The following UNC13B variants were observed in gnomAD, a reference collection of about 807,000 sequenced individuals.
UNC13B encodes protein unc-13 homolog B.
UNC13B carries 144 observed loss-of-function variants against 211.0 expected under a neutral mutation model. The ratio of observed to expected loss-of-function variants is 0.68; its 90% CI spans 0.60 to 0.78. UNC13B has a LOEUF of 0.78. Among genes scored for constraint, UNC13B ranks in the 30% least tolerant of loss-of-function variants. The pLI is 0.00. For synonymous variants in UNC13B, 709 were observed against 725.8 expected (o/e 0.98, Z 0.37); for missense variants, 1,777 against 2,002.0 (o/e 0.89, Z 2.14).
At chr9:35,384,108 A>G (rs559986767) in intron 21 of UNC13B, 138 bp from the exon 22 acceptor site, 18 of 1,344,192 alleles carry the variant, frequency 1.3e-5, no homozygotes, top group East Asian at 2.4e-5. Context: ...TGTTCTTCCC[A>G]TGGGCAGGGA....
At chr9:35,229,380 G>A (rs1485206214) in intron 2 of UNC13B, among the ~76,000 whole-genome samples, 1 of 151,982 alleles carries the variant, frequency 6.6e-6, no homozygotes, top group South Asian at 2.1e-4. Context: ...TTTTTTCTGA[G>A]AATCTGCTCT....
intron 5 of UNC13B, among the ~76,000 whole-genome samples, chr9:35,239,612 A>G (rs1825697006): frequency 2.0e-5 from 3 of 152,154 alleles, no homozygotes; most frequent in Admixed American, 2.0e-4. Flanking sequence ...TTAGGCAGGA[A>G]TTTCCTTGTC....
chr9:35,400,522 C>T, intron 37 of UNC13B, 79 bp downstream of exon 37: 1 of 1,489,034 alleles, frequency 6.7e-7, no homozygotes, highest in African/African-American at 1.4e-5. Flanking sequence ...ATCTTCATGC[C>T]CTTGGGAGCA....
intron 11 of UNC13B, chr9:35,342,361 G>A (rs1832056577): frequency 3.0e-6 from 3 of 985,526 alleles, no homozygotes; most frequent in Middle Eastern, 5.2e-4. Context: ...GGTACCGAGT[G>A]TGTATGACTG....
intron 39 of UNC13B, 21 bp downstream of exon 39, chr9:35,403,620 A>C (rs1193014131): frequency 2.3e-6 from 3 of 1,313,678 alleles, no homozygotes; most frequent in Non-Finnish European, 3.0e-6. Flanking sequence ...GGGGGGACAT[A>C]CAGGACTCTG....
At chr9:35,399,306 T>A in intron 34 of UNC13B, 22 bp downstream of exon 34, 1 of 1,614,106 alleles carries the variant, frequency 6.2e-7, no homozygotes, top group Non-Finnish European at 8.5e-7. Context: ...TCCTTCCACT[T>A]CCTCCTGCTG....
intron 21 of UNC13B, among the ~76,000 whole-genome samples, chr9:35,383,029 G>A (rs1039110927): frequency 2.0e-5 from 3 of 152,206 alleles, no homozygotes; most frequent in Admixed American, 6.5e-5. Context: ...GTGGTTGGGG[G>A]TGGTACCACC....
At chr9:35,364,830 T>A (rs1265885758) in intron 11 of UNC13B, among the ~76,000 whole-genome samples, 1 of 152,232 alleles carries the variant, frequency 6.6e-6, no homozygotes, top group Non-Finnish European at 1.5e-5. Flanking sequence ...GTGCATTCAA[T>A]GTAGCATGTG....
rs1829981161 is a variant in UNC13B, at chr9:35,307,470, A to C, written c.8066A>C (p.Gln2689Pro). 2 of 398,852 alleles carry C rather than the reference A, an allele frequency of 5.0e-6. No homozygotes were observed. The highest frequency in any genetic ancestry group is 8.8e-5 in the Admixed American group (2 of 22,696). 24.7% of individuals were successfully genotyped at this position (398,852 alleles called of 1,614,324 possible). A position where few individuals can be genotyped will look rare whatever the true frequency, so the allele number is the denominator to read the frequency against. The change falls in exon 9 of 40, where the codon CAA (glutamine) becomes CCA (proline). Residue 2689 changes from glutamine (Q) to proline (P), a missense_variant. Coordinates refer to ENST00000635942, the MANE Select transcript of UNC13B (RefSeq NM_001371189.2). The part of the protein sequence containing the change: ...EPAIQTASTN[Q>P]DLLELHPASS... ...GCTATTCAAACTGCCTCCACAAACCAAGACTTACTGGAGCTGCATCCAGCC... is the reference window on the plus strand; with the variant it reads ...GCTATTCAAACTGCCTCCACAAACCCAGACTTACTGGAGCTGCATCCAGCC...
At chr9:35,331,447 A>G (rs1049710823) in intron 11 of UNC13B, among the ~76,000 whole-genome samples, 2 of 152,156 alleles carry the variant, frequency 1.3e-5, no homozygotes, top group African/African-American at 4.8e-5. Context: ...GGGTTTCGCC[A>G]TCTTGGCCAG....
intron 7 of UNC13B, among the ~76,000 whole-genome samples, chr9:35,293,240 T>G (rs1829182885): frequency 6.6e-6 from 1 of 152,222 alleles, no homozygotes; most frequent in Non-Finnish European, 1.5e-5. Context: ...AGAAATGTTG[T>G]TAGCCTTTAG....
intron 1 of UNC13B, among the ~76,000 whole-genome samples, chr9:35,198,351 A>G (rs951144798): frequency 2.0e-5 from 3 of 152,056 alleles, no homozygotes; most frequent in African/African-American, 4.8e-5. Context: ...TGCTCTGGCC[A>G]TGTAATATGC....
intron 7 of UNC13B, among the ~76,000 whole-genome samples, chr9:35,275,101 A>T (rs1472844387): frequency 6.6e-6 from 1 of 151,758 alleles, no homozygotes; most frequent in African/African-American, 2.4e-5. Flanking sequence ...GCCACTTTGC[A>T]TGGTATTGTG....
At position 35,313,909 on chromosome 9, in the gene UNC13B, G is replaced by A. The variant is rs1830317744; in HGVS notation, c.9334G>A (p.Glu3112Lys). 2 of 1,613,602 alleles carry A rather than the reference G, an allele frequency of 1.2e-6. No homozygotes were observed. The highest frequency in any genetic ancestry group is 1.1e-5 in the South Asian group (1 of 91,064). Residue 3112 changes from glutamate (E) to lysine (K), a missense_variant, in exon 11 of 40, where the codon GAG (glutamate) becomes AAG (lysine). Transcript: ENST00000635942. ...TTTCTCTGTTACAAGTTTTCCTGAG[G>A]AGAATGCATCTTCACCATTTACCCA... The part of the protein sequence containing the change: ...FLGPQESFPE[E>K]NASSPFTQAR...
At chr9:35,230,457 C>G (rs1362073420) in intron 2 of UNC13B, among the ~76,000 whole-genome samples, 1 of 116,374 alleles carries the variant, frequency 8.6e-6, no homozygotes, top group Non-Finnish European at 1.7e-5. Flanking sequence ...GGTGACACAG[C>G]AAGACTCTGT....
chr9:35,179,887 C>A (rs145221574), intron 1 of UNC13B, among the ~76,000 whole-genome samples: 1 of 152,238 alleles, frequency 6.6e-6, no homozygotes, highest in East Asian at 1.9e-4. Flanking sequence ...TGGGTAACAT[C>A]CTAATTTTTC....
chr9:35,312,330 T>C (rs546292333), intron 10 of UNC13B, among the ~76,000 whole-genome samples: 1 of 152,362 alleles, frequency 6.6e-6, no homozygotes, highest in South Asian at 2.1e-4. Flanking sequence ...TTATTTTCTC[T>C]CTTCTTCCCT....
At chr9:35,254,965 TTA>T (rs1826753573) in intron 6 of UNC13B, among the ~76,000 whole-genome samples, 1 of 121,610 alleles carries the variant, frequency 8.2e-6, no homozygotes, top group Non-Finnish European at 1.6e-5. Context: ...ATATAATATA[TTA>T]TATTATATAT....
At chr9:35,258,267 T>C (rs1257834220) in intron 6 of UNC13B, among the ~76,000 whole-genome samples, 1 of 152,228 alleles carries the variant, frequency 6.6e-6, no homozygotes, top group Non-Finnish European at 1.5e-5. Flanking sequence ...TGAACCAGAC[T>C]ATTCTCACTG....
Sources: allele counts gnomAD v4.1 joint callset (sites outside exome capture counted in the v4.1 genomes callset), GRCh38; gene constraint gnomAD v4.1.1; transcripts MANE v1.5; gene names NCBI Gene and HGNC (gene_info 2026-07-23, HGNC 2026-07-21).